Variants in ALG12 observed in about 807,000 individuals in gnomAD.
ALG12 encodes ALG12 alpha-1,6-mannosyltransferase.
A neutral mutation model predicts 46.0 loss-of-function variants in ALG12; 36 were observed. The ratio of observed to expected loss-of-function variants is 0.78; its 90% confidence interval spans 0.60 to 1.03. The LOEUF is 1.03. Ranked by LOEUF, ALG12 falls within the 50% of genes least tolerant of loss-of-function variation. The pLI is 0.00. For synonymous variants in ALG12, 326 were observed against 291.6 expected, an observed-to-expected ratio of 1.12 and a Z score of -1.20; for missense variants, 599 against 633.5, an observed-to-expected ratio of 0.95 and a Z score of 0.58.
At position 49,905,696 on chromosome 22, in the gene ALG12, C is replaced by T. The variant is rs1307429151; in HGVS notation, c.993-1190G>A. On this transcript the variant is annotated intron_variant, in intron 7 of 9. Coordinates refer to ENST00000330817, the MANE Select transcript of ALG12 (RefSeq NM_024105.4). The surrounding 1 kb of genome is among the most constrained non-coding windows in gnomAD (Gnocchi z 4.9). Reference sequence around the variant, plus strand: ...GAGCAGACACCAGTACCACGCTTCCCGTACAGCCTGCGGAACCGCGAGCCA... The same window carrying T: ...GAGCAGACACCAGTACCACGCTTCCTGTACAGCCTGCGGAACCGCGAGCCA... Among the ~76,000 whole-genome samples, 3 of 152,232 alleles carry T rather than the reference C, an allele frequency of 2.0e-5. No individual in the cohort carries two copies. The highest frequency in any genetic ancestry group is 6.5e-5 in the Admixed American group (1 of 15,274).
the ALG12 span, among the ~76,000 whole-genome samples, chr22:49,890,235 A>G: frequency 1.3e-5 from 2 of 152,138 alleles, no homozygotes; most frequent in Non-Finnish European, 2.9e-5. Flanking sequence ...TGAGCCCAGG[A>G]GTTTGAGGTT....
At chr22:49,886,814 C>T in the ALG12 span, 1 of 1,613,430 alleles carries the variant, frequency 6.2e-7, no homozygotes, top group Non-Finnish European at 8.5e-7. The surrounding 1 kb of genome is among the most constrained non-coding windows in gnomAD (Gnocchi z 7.7). Flanking sequence ...AGGTGTGATG[C>T]TGGCTCCCCG....
the ALG12 span, chr22:49,887,155 C>T: frequency 6.2e-7 from 1 of 1,612,532 alleles, no homozygotes; most frequent in South Asian, 1.1e-5. Flanking sequence ...AGTGAATCTT[C>T]CCTTAATATA....
chr22:49,877,665 T>C, the ALG12 span, among the ~76,000 whole-genome samples: 1 of 152,180 alleles, frequency 6.6e-6, no homozygotes, highest in Non-Finnish European at 1.5e-5. Flanking sequence ...CTGATAAATA[T>C]ATATCCATAT....
At chr22:49,896,156 ATAAT>A (rs550937665), downstream of ALG12, among the ~76,000 whole-genome samples, 1 of 152,368 alleles carries the variant, frequency 6.6e-6, no homozygotes, top group Non-Finnish European at 1.5e-5. Context: ...GCTCAATAAA[ATAAT>A]TCTAAATATG....
the ALG12 span, chr22:49,885,125 A>G: frequency 6.2e-7 from 1 of 1,614,194 alleles, no homozygotes; most frequent in Non-Finnish European, 8.5e-7. Context: ...AGCCGGGGGA[A>G]GAAGGGTGAT....
In ALG12 at chr22:49,907,888, G is replaced by A; in HGVS notation, c.825C>T (p.Ser275=). Residue 275 remains serine (S), a synonymous_variant, in exon 7 of 10, where the codon AGC becomes AGT. Coordinates refer to ENST00000330817, the MANE Select transcript of ALG12 (RefSeq NM_024105.4). ...YSALPRGLGC[S]LLFIPLGLVD... Reference sequence around the variant, plus strand: ...CCAAGCCCAGGGGGATGAAGAGCAGGCTGCAGCCCAGGCCGCGGGGCAGGG... The same window carrying A: ...CCAAGCCCAGGGGGATGAAGAGCAGACTGCAGCCCAGGCCGCGGGGCAGGG... 6.2e-7 allele frequency: 1 copy of A among 1,613,834 alleles called. No individual in the cohort carries two copies. Among genetic ancestry groups the A allele is most frequent in the South Asian group, 1.1e-5 (1 of 91,090 alleles).
Position 49,907,720 on chromosome 22 carries a change from C to T in ALG12, c.992+1G>A. 1 of 1,613,762 alleles carries T rather than the reference C, an allele frequency of 6.2e-7. No individual in the cohort carries two copies. Among genetic ancestry groups the T allele is most frequent in the Non-Finnish European group, 8.5e-7 (1 of 1,179,904 alleles). On this transcript the variant is annotated splice_donor_variant, in intron 7 of 9. Coordinates refer to ENST00000330817, the MANE Select transcript of ALG12 (RefSeq NM_024105.4). LOFTEE classifies it high-confidence loss of function. ...ATGCATGTCACAAAAAGAGCACTCA[C>T]AGGTAGGAGCAGCCTCTGGCAGCCG... is the stretch of plus-strand genomic sequence containing the variant.
chr22:49,874,366 C>G, the ALG12 span, among the ~76,000 whole-genome samples: 97,745 of 151,804 alleles, frequency 0.64, 35,633 homozygotes, highest in East Asian at 0.85. Flanking sequence ...GGTTTTCCTC[C>G]TTTTGCTAAT....
the ALG12 span, chr22:49,884,925 G>C: frequency 1.9e-6 from 3 of 1,605,612 alleles, no homozygotes; most frequent in African/African-American, 4.0e-5. Flanking sequence ...ATGACATAGG[G>C]GAGGCCTCGG....
At chr22:49,884,334 G>A in the ALG12 span, 1 of 1,613,662 alleles carries the variant, frequency 6.2e-7, no homozygotes, top group Non-Finnish European at 8.5e-7. Flanking sequence ...GAATAACAGA[G>A]GAGTCTGTGT....
At chr22:49,911,713 C>T (rs183884936) in intron 3 of ALG12, among the ~76,000 whole-genome samples, 1 of 152,152 alleles carries the variant, frequency 6.6e-6, no homozygotes, top group African/African-American at 2.4e-5. Context: ...GGATTACAGG[C>T]GTGAGCCACC....
intron 1 of ALG12, among the ~76,000 whole-genome samples, chr22:49,914,822 A>G (rs569382433): frequency 6.6e-6 from 1 of 152,348 alleles, no homozygotes; most frequent in East Asian, 1.9e-4. Flanking sequence ...TGCAGCCTCA[A>G]ACTCCTGGGA....
chr22:49,869,384 G>A, the ALG12 span, among the ~76,000 whole-genome samples: 10 of 152,190 alleles, frequency 6.6e-5, no homozygotes, highest in South Asian at 1.7e-3. Flanking sequence ...TTTTGGCAGC[G>A]CTCGTCCTCC....
chr22:49,907,992 G>A (rs376762909), intron 6 of ALG12, 48 bp from the exon 7 acceptor site: 11 of 1,578,460 alleles, frequency 7.0e-6, no homozygotes, highest in Admixed American at 3.4e-5. Flanking sequence ...GCATGAGCCC[G>A]TGGGCTAGGT....
At chr22:49,871,757 A>ATTTT in the ALG12 span, among the ~76,000 whole-genome samples, 331 of 62,156 alleles carry the variant, frequency 5.3e-3, 2 homozygotes, top group East Asian at 0.028. Flanking sequence ...TTATTTATTT[A>ATTTT]TTTTTTTTTT....
rs777090041 is a variant in ALG12, at chr22:49,904,326, C to T, written c.1162+11G>A. On this transcript the variant is annotated intron_variant, in intron 8 of 9. Transcript: ENST00000330817. ...CCACAGCAGTCCCCAGGCAGTGCCC[C>T]CAGCACCCACCTGTCTGGGGGGGCA... is the stretch of plus-strand genomic sequence containing the variant. 4 of 1,614,196 alleles carry T rather than the reference C, an allele frequency of 2.5e-6. No homozygotes were observed. Among genetic ancestry groups the T allele is most frequent in the Non-Finnish European group, 3.4e-6 (4 of 1,180,036 alleles).
chr22:49,872,704 A>AT, the ALG12 span, among the ~76,000 whole-genome samples: 4,305 of 144,006 alleles, frequency 0.03, 189 homozygotes, highest in African/African-American at 0.095. Context: ...TAATTTTTAA[A>AT]TTTTTTTTTT....
downstream of ALG12, among the ~76,000 whole-genome samples, chr22:49,895,287 T>C (rs1329083029): frequency 6.6e-6 from 1 of 152,176 alleles, no homozygotes; most frequent in African/African-American, 2.4e-5. Flanking sequence ...TCTAGTCGTT[T>C]CTCGTTAGGG....
Sources: gnomAD v4.1 joint callset for allele counts (sites outside exome capture counted in the v4.1 genomes callset) on GRCh38, gnomAD v4.1.1 for gene constraint, Gnocchi (gnomAD v3.1) non-coding constraint, MANE v1.5 for transcripts, NCBI Gene and HGNC (gene_info 2026-07-23, HGNC 2026-07-21) for gene names.